KSR2: variants seen among roughly 807,000 people sequenced by gnomAD.
KSR2 encodes the protein kinase suppressor of ras 2.
Under a neutral mutation model 107.8 loss-of-function variants are expected in KSR2, and 25 were observed. The observed-to-expected ratio is 0.23, with a 90% CI of 0.17 to 0.32. The LOEUF is 0.32. Among genes scored for constraint, KSR2 ranks in the 10% least tolerant of loss-of-function variants. KSR2 has a pLI of 1.00. For missense variants in KSR2, 887 were observed against 1,268.9 expected (o/e 0.70, Z 4.57); for synonymous variants, 480 against 507.0 (o/e 0.95, Z 0.71).
At chr12:117,706,385 T>C (rs1034051280) in intron 4 of KSR2, among the ~76,000 whole-genome samples, 1 of 152,114 alleles carries the variant, frequency 6.6e-6, no homozygotes, top group Non-Finnish European at 1.5e-5. Flanking sequence ...ACCAACCCCA[T>C]TTCACAGATG....
At chr12:117,797,048 G>A (rs1400653254) in intron 3 of KSR2, among the ~76,000 whole-genome samples, 1 of 152,142 alleles carries the variant, frequency 6.6e-6, no homozygotes, top group Admixed American at 6.6e-5. Context: ...ATGCGGATGG[G>A]GAAGAGATCA....
At chr12:117,845,417 G>A (rs140209580) in intron 3 of KSR2, among the ~76,000 whole-genome samples, 1,815 of 152,262 alleles carry the variant, frequency 0.012, 30 homozygotes, top group African/African-American at 0.037. Flanking sequence ...CCTGTCTGAT[G>A]CTTTCTTGTC....
intron 3 of KSR2, among the ~76,000 whole-genome samples, chr12:117,764,273 T>G (rs937974182): frequency 3.9e-5 from 6 of 151,914 alleles, no homozygotes; most frequent in African/African-American, 1.5e-4. Context: ...AAAAATTCCA[T>G]AAGACCATAT....
chr12:117,564,937 C>T (rs540422731), intron 7 of KSR2, among the ~76,000 whole-genome samples: 3 of 152,158 alleles, frequency 2.0e-5, no homozygotes, highest in Non-Finnish European at 4.4e-5. Context: ...CAATGATGCC[C>T]CCTCTGCATT....
chr12:117,534,091 G>C (rs1165356475), intron 10 of KSR2, among the ~76,000 whole-genome samples: 1 of 151,898 alleles, frequency 6.6e-6, no homozygotes, highest in Non-Finnish European at 1.5e-5. Context: ...CTCAGGACCT[G>C]GGAGGCTGCA....
rs1425798088 is a variant in KSR2, at chr12:117,761,064, G to A, written c.933C>T (p.Ser311=). Residue 311 remains serine (S), a synonymous_variant, in exon 4 of 20, where the codon AGC becomes AGT. Coordinates refer to ENST00000339824, the MANE Select transcript of KSR2 (RefSeq NM_173598.6). ...GCCCCAGCTGGAACTCGTGGGATTT[G>A]CTCCGATGCAGCGCGGTGAATCCCG... ...LIPGFTALHR[S]KSHEFQLGHR... The A allele has an allele frequency of 6.2e-7, 1 of 1,613,804 alleles. No homozygotes were observed. Among genetic ancestry groups the A allele is most frequent in the Non-Finnish European group, 8.5e-7 (1 of 1,179,754 alleles).
At chr12:117,763,557 C>G (rs1441872539) in intron 3 of KSR2, among the ~76,000 whole-genome samples, 2 of 152,122 alleles carry the variant, frequency 1.3e-5, no homozygotes, top group African/African-American at 4.8e-5. Flanking sequence ...AGGTCTCTTT[C>G]CCGGGTGCCT....
chr12:117,941,913 G>A (rs1210254707), intron 1 of KSR2, among the ~76,000 whole-genome samples: 2 of 151,826 alleles, frequency 1.3e-5, no homozygotes, highest in East Asian at 3.9e-4. Context: ...AGAGTGCTGG[G>A]ATTACAGGCG....
At chr12:117,610,753 A>C (rs531534288) in intron 5 of KSR2, among the ~76,000 whole-genome samples, 167 of 151,638 alleles carry the variant, frequency 1.1e-3, no homozygotes, top group African/African-American at 3.9e-3. Context: ...AAAAAAAAAA[A>C]AACAGATCCC....
intron 5 of KSR2, among the ~76,000 whole-genome samples, chr12:117,599,972 C>T (rs1880845656): frequency 6.6e-6 from 1 of 152,170 alleles, no homozygotes. Context: ...AAGCCTGTCA[C>T]TCCTGTAGCC....
At chr12:117,882,325 A>G (rs1457756995) in intron 1 of KSR2, among the ~76,000 whole-genome samples, 1 of 151,814 alleles carries the variant, frequency 6.6e-6, no homozygotes, top group Non-Finnish European at 1.5e-5. Flanking sequence ...ATAACTTCCC[A>G]TTTCCAAATT....
At chr12:117,589,114 A>T (rs557051252) in intron 5 of KSR2, among the ~76,000 whole-genome samples, 1 of 152,318 alleles carries the variant, frequency 6.6e-6, no homozygotes, top group South Asian at 2.1e-4. Context: ...CCTTCTATCC[A>T]GCTCCATACC....
At chr12:117,663,845 A>G (rs1308055773) in intron 5 of KSR2, among the ~76,000 whole-genome samples, 5 of 152,188 alleles carry the variant, frequency 3.3e-5, no homozygotes, top group Admixed American at 3.3e-4. Flanking sequence ...CAAGGAGCCC[A>G]CGAGCTTGCA....
chr12:117,958,486 A>G (rs988551339), intron 1 of KSR2, among the ~76,000 whole-genome samples: 3 of 152,124 alleles, frequency 2.0e-5, no homozygotes, highest in Admixed American at 6.5e-5. Context: ...TAAAAATGTA[A>G]AAGTATGAAC....
At chr12:117,858,848 T>C (rs908280709) in intron 2 of KSR2, among the ~76,000 whole-genome samples, 2 of 152,216 alleles carry the variant, frequency 1.3e-5, no homozygotes, top group Non-Finnish European at 2.9e-5. Context: ...CAAAAGGTCA[T>C]TGCGAGGAGG....
chr12:117,488,940 A>G (rs1872608626), intron 14 of KSR2, among the ~76,000 whole-genome samples: 1 of 152,238 alleles, frequency 6.6e-6, no homozygotes, highest in Admixed American at 6.5e-5. Flanking sequence ...AAAAGTGGAT[A>G]AAATATGATA....
intron 3 of KSR2, among the ~76,000 whole-genome samples, chr12:117,849,471 G>C (rs965922257): frequency 1.1e-4 from 17 of 152,174 alleles, no homozygotes; most frequent in African/African-American, 3.9e-4. Context: ...GAAAGGTTAA[G>C]CTATCCTGGC....
At chr12:117,540,639 G>A (rs1017908061) in intron 9 of KSR2, among the ~76,000 whole-genome samples, 4 of 152,164 alleles carry the variant, frequency 2.6e-5, no homozygotes, top group South Asian at 2.1e-4. Flanking sequence ...TCCTGGATTC[G>A]GGTGAGTCCT....
intron 7 of KSR2, among the ~76,000 whole-genome samples, chr12:117,578,729 G>A (rs1258301786): frequency 6.6e-6 from 1 of 152,126 alleles, no homozygotes; most frequent in South Asian, 2.1e-4. Context: ...AGTTTTATTG[G>A]AATAAATGAA....
Sources: gnomAD v4.1 joint callset for allele counts (sites outside exome capture counted in the v4.1 genomes callset) on GRCh38, gnomAD v4.1.1 for gene constraint, MANE v1.5 for transcripts, NCBI Gene and HGNC (gene_info 2026-07-23, HGNC 2026-07-21) for gene names.